STK3: variants seen among roughly 807,000 people sequenced by gnomAD.
STK3 encodes the protein serine/threonine kinase 3.
A neutral mutation model predicts 58.0 loss-of-function variants in STK3; 41 were observed. The observed-to-expected ratio is 0.71, with a 90% CI of 0.55 to 0.92. The LOEUF (loss-of-function observed/expected upper bound fraction) is 0.92. STK3 is among the 40% of genes least tolerant of loss of function. The probability of loss-of-function intolerance (pLI) is 0.00; values close to 1 mark genes in which losing one functional copy is unlikely to be tolerated. For synonymous variants in STK3, 170 were observed against 191.0 expected, an observed-to-expected ratio of 0.89 and a Z score of 0.91; for missense variants, 479 against 602.7, an observed-to-expected ratio of 0.79 and a Z score of 2.15.
Position 98,567,711 on chromosome 8 carries a change from C to T in STK3, c.948+11953G>A, listed in dbSNP as rs867238418. Among the ~76,000 whole-genome samples the T allele has an allele frequency of 9.2e-5, 14 of 152,042 alleles. 1 individual carries two copies. Among genetic ancestry groups the T allele is most frequent in the African/African-American group, 1.4e-4 (6 of 41,486 alleles). On this transcript the variant is annotated intron_variant, in intron 8 of 10. Coordinates refer to ENST00000419617, the MANE Select transcript of STK3 (RefSeq NM_006281.4). ...GGAGTTTGTTAATCACTGAAATATACGGAGGGTTTTATAGATTTATAAAGA... is the reference window on the plus strand; with the variant it reads ...GGAGTTTGTTAATCACTGAAATATATGGAGGGTTTTATAGATTTATAAAGA...
intron 10 of STK3, among the ~76,000 whole-genome samples, chr8:98,499,364 A>G (rs1586712770): frequency 6.6e-6 from 1 of 152,206 alleles, no homozygotes; most frequent in East Asian, 1.9e-4. Flanking sequence ...AATTTGTTAT[A>G]GCAGCCATAG....
chr8:98,505,327 G>A (rs1406219932), intron 10 of STK3, among the ~76,000 whole-genome samples: 1 of 152,100 alleles, frequency 6.6e-6, no homozygotes, highest in Non-Finnish European at 1.5e-5. Context: ...CCTTGCAATG[G>A]GTTCGAACAT....
chr8:98,400,195 T>C (rs563706020), downstream of STK3, among the ~76,000 whole-genome samples: 1 of 152,158 alleles, frequency 6.6e-6, no homozygotes, highest in Non-Finnish European at 1.5e-5. Context: ...GGGAGCCAGT[T>C]CCTTGAAGTG....
intron 4 of STK3, 67 bp from the exon 5 acceptor site, chr8:98,707,378 C>CT: frequency 1.7e-6 from 2 of 1,204,478 alleles, no homozygotes; most frequent in Non-Finnish European, 2.3e-6. Flanking sequence ...CGAAAGAGCA[C>CT]TAGTAACAAG....
intron 9 of STK3, among the ~76,000 whole-genome samples, chr8:98,533,478 G>A (rs1809490282): frequency 6.6e-6 from 1 of 151,992 alleles, no homozygotes; most frequent in African/African-American, 2.4e-5. Context: ...GGATGGATGG[G>A]TGGGTGGACT....
intron 7 of STK3, among the ~76,000 whole-genome samples, chr8:98,584,714 A>G (rs1814322077): frequency 1.3e-5 from 2 of 150,580 alleles, no homozygotes; most frequent in South Asian, 4.2e-4. Flanking sequence ...CAGTCCCACC[A>G]ACAGTGTAAA....
At chr8:98,395,897 C>T (rs762429733) in intron 3 of STK3, among the ~76,000 whole-genome samples, 1 of 152,146 alleles carries the variant, frequency 6.6e-6, no homozygotes, top group African/African-American at 2.4e-5. Flanking sequence ...GATTCTAGGG[C>T]ATTTTCTCTT....
At chr8:98,727,800 T>C (rs1287358673) in intron 4 of STK3, among the ~76,000 whole-genome samples, 1 of 152,200 alleles carries the variant, frequency 6.6e-6, no homozygotes, top group East Asian at 1.9e-4. Flanking sequence ...CCTAGCTAGT[T>C]TGTCATTGTA....
At chr8:98,421,241 C>T (rs1012845943) in intron 3 of STK3, among the ~76,000 whole-genome samples, 1 of 152,182 alleles carries the variant, frequency 6.6e-6, no homozygotes, top group African/African-American at 2.4e-5. Context: ...GGAGAGACAG[C>T]TGACTGCATA....
chr8:98,520,917 A>G (rs1333359003), intron 10 of STK3, among the ~76,000 whole-genome samples: 2 of 152,062 alleles, frequency 1.3e-5, no homozygotes, highest in Non-Finnish European at 2.9e-5. Context: ...TGCTCCACCT[A>G]TGCTTCTTCT....
chr8:98,531,698 A>G (rs1008229840), intron 9 of STK3, among the ~76,000 whole-genome samples: 1 of 152,210 alleles, frequency 6.6e-6, no homozygotes, highest in Non-Finnish European at 1.5e-5. Flanking sequence ...TGTTTATTCT[A>G]TATTGAAATT....
At chr8:98,791,999 G>C (rs1048750060) in intron 1 of STK3, among the ~76,000 whole-genome samples, 1 of 152,166 alleles carries the variant, frequency 6.6e-6, no homozygotes, top group African/African-American at 2.4e-5. Flanking sequence ...CACGACAAAA[G>C]AACGGTCAGC....
At chr8:98,757,828 G>A (rs1411763442) in intron 3 of STK3, among the ~76,000 whole-genome samples, 2 of 152,230 alleles carry the variant, frequency 1.3e-5, no homozygotes, top group African/African-American at 4.8e-5. Context: ...GGGCAGTCCA[G>A]GCAATGGGGA....
intron 6 of STK3, among the ~76,000 whole-genome samples, chr8:98,669,551 T>C (rs1419501483): frequency 6.6e-6 from 1 of 152,180 alleles, no homozygotes; most frequent in African/African-American, 2.4e-5. Context: ...TTTTGACTAA[T>C]ACATAGCAGT....
At chr8:98,923,033 C>G (rs1211340946) in intron 1 of STK3, among the ~76,000 whole-genome samples, 5 of 152,162 alleles carry the variant, frequency 3.3e-5, no homozygotes. Context: ...ATGTAGAGCA[C>G]TAGGGTATAC....
At chr8:98,501,412 G>T (rs1823584956) in intron 10 of STK3, among the ~76,000 whole-genome samples, 1 of 152,096 alleles carries the variant, frequency 6.6e-6, no homozygotes, top group Non-Finnish European at 1.5e-5. Flanking sequence ...AATTTAATTA[G>T]ATCCCATTTG....
At chr8:98,709,016 C>T (rs1826186093) in intron 4 of STK3, among the ~76,000 whole-genome samples, 1 of 151,824 alleles carries the variant, frequency 6.6e-6, no homozygotes, top group African/African-American at 2.4e-5. Flanking sequence ...TACGGGAGGG[C>T]TGCAAGGAGA....
In STK3 at chr8:98,893,418, GA is replaced by G. The variant is rs1218051755; in HGVS notation, c.-78-9585del. Among the ~76,000 whole-genome samples the G allele has an allele frequency of 8.0e-5, 7 of 87,646 alleles. No individual in the cohort carries two copies. In the Admixed American group the frequency reaches 8.9e-4, roughly 11 times the overall value. 57.5% of individuals were successfully genotyped at this position (87,646 alleles called of 152,430 possible). A position where few individuals can be genotyped will look rare whatever the true frequency, so the allele number is the denominator to read the frequency against. Reference sequence around the variant, plus strand: ...AGAAAGAAAGAAAGAAGGAAGGAAGGAAGGAAAGAAAGAAAGAAAGAAAGAA... The same window carrying G: ...AGAAAGAAAGAAAGAAGGAAGGAAGGAGGAAAGAAAGAAAGAAAGAAAGAA... On this transcript the variant is annotated intron_variant, in intron 1 of 1. Coordinates refer to the STK3 transcript ENST00000519420.
In STK3 at chr8:98,894,258, T is replaced by C. The variant is rs1016807363; in HGVS notation, c.-78-10424A>G. 2.0e-5 allele frequency among the ~76,000 whole-genome samples: 3 copies of C among 152,192 alleles called. No homozygotes were observed. In the South Asian group the frequency reaches 6.2e-4, roughly 31 times the overall value. On this transcript the variant is annotated intron_variant, in intron 1 of 1. Transcript: ENST00000519420. ...CATAAACAGAATCCACCCCCACATA[T>C]TTCATTGTCTGTAGGACATTTTCCT...
Sources: allele counts gnomAD v4.1 joint callset (sites outside exome capture counted in the v4.1 genomes callset), GRCh38; gene constraint gnomAD v4.1.1; transcripts MANE v1.5; gene names NCBI Gene and HGNC (gene_info 2026-07-23, HGNC 2026-07-21).